RNF6: variants seen among roughly 807,000 people sequenced by gnomAD.
RNF6 encodes ring finger protein 6.
RNF6 carries 21 observed loss-of-function variants against 50.1 expected under a neutral mutation model. The observed-to-expected ratio is 0.42, with a 90% CI of 0.30 to 0.60. The LOEUF is 0.60. Among genes scored for constraint, RNF6 ranks in the 20% least tolerant of loss-of-function variants. The probability of loss-of-function intolerance (pLI) is 0.20; values close to 1 mark genes in which losing one functional copy is unlikely to be tolerated. For missense variants in RNF6, 698 were observed against 838.2 expected, an observed-to-expected ratio of 0.83 and a Z score of 2.07; for synonymous variants, 255 against 291.8, an observed-to-expected ratio of 0.87 and a Z score of 1.29.
At chr13:26,154,829 A>C (rs1394611054) in intron 5 of RNF6, among the ~76,000 whole-genome samples, 1 of 152,160 alleles carries the variant, frequency 6.6e-6, no homozygotes, top group Admixed American at 6.6e-5. Context: ...CAGGAGCTTG[A>C]GACCAGCCTG....
At chr13:26,211,491 G>A (rs1438206076), downstream of RNF6, among the ~76,000 whole-genome samples, 1 of 152,176 alleles carries the variant, frequency 6.6e-6, no homozygotes, top group African/African-American at 2.4e-5. Flanking sequence ...AGGCATGGTG[G>A]CTCATGCCTA....
At chr13:26,141,078 A>G (rs1870916984) in intron 5 of RNF6, among the ~76,000 whole-genome samples, 1 of 152,212 alleles carries the variant, frequency 6.6e-6, no homozygotes, top group African/African-American at 2.4e-5. Flanking sequence ...ATTCAATGCT[A>G]TTTCTATCAA....
chr13:26,141,647 G>T (rs1267091078), intron 5 of RNF6, among the ~76,000 whole-genome samples: 1 of 152,054 alleles, frequency 6.6e-6, no homozygotes, highest in Non-Finnish European at 1.5e-5. Context: ...TCTCTATTCA[G>T]TAAGTGGTTT....
chr13:26,220,620 C>T (rs1252632621), intron 2 of RNF6, among the ~76,000 whole-genome samples: 6 of 152,144 alleles, frequency 3.9e-5, no homozygotes, highest in Admixed American at 3.9e-4. Flanking sequence ...ATCTCATCCC[C>T]AATCCTTGAT....
rs1159310097 is a variant in RNF6, at chr13:26,213,327, AAATTT to A, written c.*492_*496del. ...ATACACCTATGGTATGCTGCATATT[AAATTT>A]AACATTTCAAGTAACATATATATAG... is the stretch of plus-strand genomic sequence containing the variant. On this transcript the variant is annotated 3_prime_UTR_variant, in exon 5 of 5. Transcript: ENST00000381588. 5 of 152,838 alleles carry A rather than the reference AAATTT, an allele frequency of 3.3e-5. No individual in the cohort carries two copies. The highest frequency in any genetic ancestry group is 7.2e-5 in the African/African-American group (3 of 41,480). 9.5% of individuals were successfully genotyped at this position (152,838 alleles called of 1,614,324 possible).
intron 5 of RNF6, among the ~76,000 whole-genome samples, chr13:26,204,366 G>A (rs1050433326): frequency 5.3e-5 from 8 of 151,348 alleles, no homozygotes; most frequent in South Asian, 2.1e-4. Context: ...GCATGGTGGC[G>A]GGCGCCTGTA....
intron 5 of RNF6, among the ~76,000 whole-genome samples, chr13:26,190,118 C>T (rs1028232007): frequency 2.6e-5 from 4 of 152,078 alleles, no homozygotes; most frequent in Admixed American, 6.5e-5. Flanking sequence ...CTTTAGAAAC[C>T]GATCGAATGT....
chr13:26,133,538 T>C (rs566161394), intron 5 of RNF6, among the ~76,000 whole-genome samples: 3 of 152,318 alleles, frequency 2.0e-5, no homozygotes, highest in South Asian at 2.1e-4. Flanking sequence ...ATTGTTCAAA[T>C]TGGGTAATTT....
downstream of RNF6, among the ~76,000 whole-genome samples, chr13:26,210,794 T>C (rs1020590260): frequency 4.6e-5 from 7 of 152,290 alleles, no homozygotes; most frequent in African/African-American, 1.7e-4. Context: ...GTTTAAATTA[T>C]GAATTCATGT....
At chr13:26,141,425 CAAAAA>C (rs34336773) in intron 5 of RNF6, among the ~76,000 whole-genome samples, 1 of 130,000 alleles carries the variant, frequency 7.7e-6, no homozygotes, top group Non-Finnish European at 1.6e-5. Flanking sequence ...AAGACTCTGT[CAAAAA>C]AAAAAAAAAA....
chr13:26,172,546 CTTTT>C (rs56159536), intron 5 of RNF6, among the ~76,000 whole-genome samples: 3 of 143,568 alleles, frequency 2.1e-5, no homozygotes, highest in Admixed American at 6.9e-5. Context: ...TAGAATATAT[CTTTT>C]TTTTTTTTTT....
intron 5 of RNF6, among the ~76,000 whole-genome samples, chr13:26,202,492 G>A (rs1350635763): frequency 6.6e-6 from 1 of 152,200 alleles, no homozygotes; most frequent in Non-Finnish European, 1.5e-5. Flanking sequence ...TTGTGGCTAT[G>A]CCAGGTTCCT....
At chr13:26,155,255 C>A (rs1431971353) in intron 5 of RNF6, among the ~76,000 whole-genome samples, 1 of 152,040 alleles carries the variant, frequency 6.6e-6, no homozygotes, top group Non-Finnish European at 1.5e-5. Flanking sequence ...GGTGGCAAAG[C>A]AAAGCTCTGT....
At chr13:26,210,455 ATC>A (rs1869278068), downstream of RNF6, among the ~76,000 whole-genome samples, 1 of 152,178 alleles carries the variant, frequency 6.6e-6, no homozygotes, top group African/African-American at 2.4e-5. Flanking sequence ...TGCCTCATTC[ATC>A]TCTTTCCTGG....
intron 5 of RNF6, among the ~76,000 whole-genome samples, chr13:26,184,221 C>CG (rs1873405710): frequency 6.6e-6 from 1 of 151,406 alleles, no homozygotes; most frequent in Admixed American, 6.6e-5. Flanking sequence ...TTAGCAGAGA[C>CG]GGGGTTCCAC....
intron 5 of RNF6, among the ~76,000 whole-genome samples, chr13:26,206,429 A>G (rs1869111770): frequency 6.6e-6 from 1 of 152,230 alleles, no homozygotes; most frequent in Admixed American, 6.5e-5. Flanking sequence ...AGTGTCAAAC[A>G]CTTGGGTTCA....
chr13:26,174,907 C>T (rs1593167042), intron 5 of RNF6, among the ~76,000 whole-genome samples: 1 of 152,144 alleles, frequency 6.6e-6, no homozygotes, highest in East Asian at 1.9e-4. Flanking sequence ...GGATTGGGGC[C>T]CACTCTAACG....
chr13:26,173,374 T>C (rs902928982), intron 5 of RNF6, among the ~76,000 whole-genome samples: 1 of 152,146 alleles, frequency 6.6e-6, no homozygotes, highest in Non-Finnish European at 1.5e-5. Flanking sequence ...TGAAATACTG[T>C]AGAGACATTA....
rs1050512159 is a variant in RNF6 at position 26,197,047 on chromosome 13, G to A, written n.768+18427C>T. On this transcript the variant is annotated intron_variant and non_coding_transcript_variant, in intron 5 of 5. Coordinates refer to the RNF6 transcript ENST00000468480. ...AAGTGGGAAATGGGACATGGGAAGA[G>A]TGATAAGTTAAGGATGCTGAGAACT... Among the ~76,000 whole-genome samples the A allele has an allele frequency of 3.6e-4, 55 of 152,058 alleles. 1 individual carries two copies. Among genetic ancestry groups the A allele is most frequent in the African/African-American group, 1.3e-3 (53 of 41,338 alleles).
Sources: gnomAD v4.1 joint callset for allele counts (sites outside exome capture counted in the v4.1 genomes callset) on GRCh38, gnomAD v4.1.1 for gene constraint, MANE v1.5 for transcripts, NCBI Gene and HGNC (gene_info 2026-07-23, HGNC 2026-07-21) for gene names.